VSX2: variants seen among roughly 807,000 people sequenced by gnomAD.
The protein encoded by VSX2 is ceh-10 homeo domain containing homolog.
VSX2 carries 28 observed loss-of-function variants against 32.1 expected under a neutral mutation model. The ratio of observed to expected loss-of-function variants is 0.87; its 90% confidence interval spans 0.65 to 1.20. VSX2 has a LOEUF of 1.20. Ranked by LOEUF, VSX2 falls within the 50% of genes most tolerant of loss-of-function variation. VSX2 has a pLI of 0.00. For synonymous variants in VSX2, 243 were observed against 214.1 expected, an observed-to-expected ratio of 1.14 and a Z score of -1.18; for missense variants, 506 against 488.7, an observed-to-expected ratio of 1.04 and a Z score of -0.33.
At chr14:74,244,339 G>A (rs2079170054) in intron 2 of VSX2, among the ~76,000 whole-genome samples, 1 of 152,156 alleles carries the variant, frequency 6.6e-6, no homozygotes, top group African/African-American at 2.4e-5. Flanking sequence ...GAGCTTGCAA[G>A]TATGGGATGG....
chr14:74,253,310 G>A (rs1594756950), intron 3 of VSX2, among the ~76,000 whole-genome samples: 1 of 152,318 alleles, frequency 6.6e-6, no homozygotes. Context: ...TGAGCGGTCA[G>A]GAAAGTGAGT....
In VSX2 at chr14:74,239,478, A is replaced by G; in HGVS notation, c.-84A>G. The G allele has an allele frequency of 6.5e-7, 1 of 1,541,296 alleles. No individual in the cohort carries two copies. Among genetic ancestry groups the G allele is most frequent in the Non-Finnish European group, 8.8e-7 (1 of 1,141,120 alleles). ...TTAGACACCGGAGGGGGCACCTGGG[A>G]CCAACTTCGCGAAGCGGGAAGCCCG... On this transcript the variant is annotated 5_prime_UTR_variant, in exon 1 of 5. Transcript: ENST00000261980.
intron 1 of VSX2, 92 bp from the exon 2 acceptor site, chr14:74,241,090 G>C: frequency 7.3e-7 from 1 of 1,373,204 alleles, no homozygotes; most frequent in Non-Finnish European, 1.0e-6. Context: ...CCCGCCGCTC[G>C]CGGAGGCAGC....
chr14:74,239,628 G>C lies in VSX2; in HGVS notation c.67G>C (p.Gly23Arg), dbSNP rs1213638238. 3 of 1,551,200 alleles carry C rather than the reference G, an allele frequency of 1.9e-6. No individual in the cohort carries two copies. The highest frequency in any genetic ancestry group is 2.4e-5 in the East Asian group (1 of 40,920). ...CGAGACAGTGGCCAAGAGTACCTCG[G>C]GGGGCGCCCCGGCCAGGTGCACTGG... ...KSETVAKSTS[G>R]GAPARCTGFG... Residue 23 changes from glycine to arginine, a missense_variant, in exon 1 of 5, where the codon GGG becomes CGG. Gly to Arg is a moderately radical substitution (Grantham distance 125). Coordinates refer to ENST00000261980, the MANE Select transcript of VSX2 (RefSeq NM_182894.3).
rs74061766 is a variant in VSX2 at position 74,259,991 on chromosome 14, A to C, written c.760+209A>C. Among the ~76,000 whole-genome samples, 3,850 of 152,262 alleles carry C rather than the reference A, an allele frequency of 0.025. 182 individuals carry two copies. Among genetic ancestry groups the C allele is most frequent in the African/African-American group, 0.089 (3,678 of 41,536 alleles). ...GTGTCTGTCACTTGCACTGGGTGCC[A>C]AGAACTCTCATCATGAACGAGTCCC... On this transcript the variant is annotated intron_variant, in intron 4 of 4. Transcript: ENST00000261980.
Position 74,261,197 on chromosome 14 carries a change from C to A in VSX2, c.*278C>A. ...CCCCTCAAGCCCCTTCTCTCAATCC[C>A]TTTGCAACGCTCACTGGTTTTGGCC... On this transcript the variant is annotated 3_prime_UTR_variant, in exon 5 of 5. Transcript: ENST00000261980. 1 of 498,886 alleles carries A rather than the reference C, an allele frequency of 2.0e-6. No homozygotes were observed. Among genetic ancestry groups the A allele is most frequent in the South Asian group, 3.1e-5 (1 of 32,062 alleles). 30.9% of individuals were successfully genotyped at this position (498,886 alleles called of 1,614,324 possible).
At chr14:74,242,555 T>C (rs1415925958) in intron 2 of VSX2, among the ~76,000 whole-genome samples, 1 of 152,192 alleles carries the variant, frequency 6.6e-6, no homozygotes, top group African/African-American at 2.4e-5. Context: ...TTGCATTTGT[T>C]TAGTTTGTAT....
Position 74,260,653 on chromosome 14 carries a change from C to A in VSX2, c.820C>A (p.Arg274Ser), listed in dbSNP as rs375155660. ...GTCGGGGAGGAAGCCCGAGGGGGAA[C>A]GCCAGGCCCTGCCCAAGCTCGACAA... Reference protein sequence around the residue: ...AESGRKPEGERQALPKLDKME... With the variant: ...AESGRKPEGESQALPKLDKME... Residue 274 changes from arginine (R) to serine (S), a missense_variant, in exon 5 of 5, where the codon CGC becomes AGC. By Grantham distance (110) the Arg-to-Ser change is moderately radical. Transcript: ENST00000261980. 1.0e-5 allele frequency: 16 copies of A among 1,604,552 alleles called. No homozygotes were observed. The highest frequency in any genetic ancestry group is 1.3e-5 in the Non-Finnish European group (15 of 1,176,232).
At chr14:74,240,049 G>T (rs2079139235) in intron 1 of VSX2, 118 bp downstream of exon 1, 2 of 1,386,188 alleles carry the variant, frequency 1.4e-6, no homozygotes, top group Admixed American at 4.7e-5. Context: ...GCCAGGCCGG[G>T]GGTCGCCGCC....
chr14:74,254,161 G>A (rs1367559177), intron 3 of VSX2, among the ~76,000 whole-genome samples: 3 of 151,702 alleles, frequency 2.0e-5, no homozygotes, highest in Non-Finnish European at 4.4e-5. Context: ...AGTAATTCCA[G>A]CAATTTGGGA....
At chr14:74,244,959 T>TGTGTGTGAGAGAGAGAGAGAGAGAGAAA (rs1555387793) in intron 2 of VSX2, among the ~76,000 whole-genome samples, 3 of 95,228 alleles carry the variant, frequency 3.2e-5, no homozygotes, top group African/African-American at 1.3e-4. Context: ...TGTGTGTGTG[T>TGTGTGTGAGAGAGAGAGAGAGAGAGAAA]GTGTGTGTGT....
At position 74,261,016 on chromosome 14, in the gene VSX2, C is replaced by A; in HGVS notation, c.*97C>A. ...CTCTGAGGCAAGGCCCAGACCTGGC[C>A]TCTGCCATCCTCCCTGTTCCCCACA... On this transcript the variant is annotated 3_prime_UTR_variant, in exon 5 of 5. Coordinates refer to ENST00000261980, the MANE Select transcript of VSX2 (RefSeq NM_182894.3). 7.1e-7 allele frequency: 1 copy of A among 1,399,114 alleles called. No homozygotes were observed. The highest frequency in any genetic ancestry group is 9.8e-7 in the Non-Finnish European group (1 of 1,020,256). 86.7% of individuals were successfully genotyped at this position (1,399,114 alleles called of 1,614,324 possible). A position where few individuals can be genotyped will look rare whatever the true frequency, so the allele number is the denominator to read the frequency against.
chr14:74,241,118 C>T lies in VSX2; in HGVS notation c.371-64C>T. The stretch of plus-strand genomic sequence containing the variant: ...GAGGCAGCCCGGGGTGGGGCCCTCG[C>T]GGGTTTCGGGCACAGCGGAGCGCGT... On this transcript the variant is annotated intron_variant, in intron 1 of 4. Transcript: ENST00000261980. The T allele has an allele frequency of 3.2e-6, 5 of 1,558,952 alleles. No homozygotes were observed. In the South Asian group the frequency reaches 4.4e-5, roughly 14 times the overall value.
At position 74,254,402 on chromosome 14, in the gene VSX2, G is replaced by A. The variant is rs375443517; in HGVS notation, c.580-5200G>A. On this transcript the variant is annotated intron_variant, in intron 3 of 4. Transcript: ENST00000261980. ...CTCCAGCCTGGGCGACAGACAGAGC[G>A]AGACTCTGTCTCAAATTTAAAAAAA... 2.4e-4 allele frequency among the ~76,000 whole-genome samples: 37 copies of A among 152,092 alleles called. No homozygotes were observed. The South Asian group carries it at 6.2e-3, about 26-fold the overall frequency.
chr14:74,248,563 A>T (rs2079209620), intron 3 of VSX2, among the ~76,000 whole-genome samples: 1 of 151,844 alleles, frequency 6.6e-6, no homozygotes, highest in African/African-American at 2.4e-5. Flanking sequence ...TGGTGATGTA[A>T]GCCTGTGGTC....
Position 74,260,965 on chromosome 14 carries a change from C to T in VSX2, c.*46C>T, listed in dbSNP as rs891281744. The T allele has an allele frequency of 1.4e-5, 21 of 1,544,562 alleles. No homozygotes were observed. In the South Asian group the frequency reaches 1.4e-4, roughly 11 times the overall value. ...CGGAGCCCCAAGACTCTGCTCTCCT[C>T]GGGCCCTGTGGTGCTGGGAGATGCT... On this transcript the variant is annotated 3_prime_UTR_variant, in exon 5 of 5. Transcript: ENST00000261980.
intron 4 of VSX2, 63 bp downstream of exon 4, chr14:74,259,845 AG>A: frequency 6.5e-7 from 1 of 1,543,952 alleles, no homozygotes. Flanking sequence ...TCCTTGGAGG[AG>A]GGGACAGAGC....
At chr14:74,242,386 G>C (rs1333971272) in intron 2 of VSX2, among the ~76,000 whole-genome samples, 1 of 152,120 alleles carries the variant, frequency 6.6e-6, no homozygotes, top group Non-Finnish European at 1.5e-5. Flanking sequence ...GCTTTTCTAT[G>C]CTTCGTTCTT....
intron 2 of VSX2, among the ~76,000 whole-genome samples, chr14:74,241,854 A>T (rs1294581331): frequency 1.3e-5 from 2 of 152,138 alleles, no homozygotes; most frequent in Non-Finnish European, 2.9e-5. Context: ...TCGTCTGCAA[A>T]ATGGAGTGGT....
Sources: allele counts gnomAD v4.1 joint callset (sites outside exome capture counted in the v4.1 genomes callset), GRCh38; gene constraint gnomAD v4.1.1; transcripts MANE v1.5; gene names NCBI Gene and HGNC (gene_info 2026-07-23, HGNC 2026-07-21).